Variants in CLCN5 observed in about 807,000 individuals in gnomAD.
The protein encoded by CLCN5 is H(+)/Cl(-) exchange transporter 5.
In CLCN5, 17 loss-of-function variants were observed where a neutral mutation model predicts 54.0. The ratio of observed to expected loss-of-function variants is 0.31; its 90% CI spans 0.22 to 0.47. CLCN5 has a LOEUF of 0.47. Ranked by LOEUF, CLCN5 falls within the 20% of genes least tolerant of loss-of-function variation. The pLI is 1.00. For missense variants in CLCN5, 448 were observed against 646.7 expected, an observed-to-expected ratio of 0.69 and a Z score of 3.33; for synonymous variants, 222 against 233.0, an observed-to-expected ratio of 0.95 and a Z score of 0.43.
chrX:50,049,128 T>C (rs1932492215), intron 4 of CLCN5, among the ~76,000 whole-genome samples: 2 of 111,786 alleles, frequency 1.8e-5, no homozygotes, highest in Admixed American at 9.5e-5. Flanking sequence ...TTCTGGTATG[T>C]AGTCATATGC....
Position 50,096,244 on chromosome X carries a change from T to G in CLCN5, c.*4025T>G, listed in dbSNP as rs1934258483. 1 of 111,503 alleles carries G rather than the reference T, an allele frequency of 9.0e-6. No homozygotes were observed. Among genetic ancestry groups the G allele is most frequent in the Non-Finnish European group, 1.9e-5 (1 of 53,108 alleles). The allele number at this position is 111,503 out of a possible 1,213,427, so 9.2% of individuals were successfully genotyped here. A position where few individuals can be genotyped will look rare whatever the true frequency, so the allele number is the denominator to read the frequency against. ...AGTAAGTGGGAGGTAGAATATTGAG[T>G]CCTTTTTTAAAAAAAAGAATTGATG... On this transcript the variant is annotated 3_prime_UTR_variant, in exon 15 of 15. Transcript: ENST00000376091.
intron 4 of CLCN5, among the ~76,000 whole-genome samples, chrX:50,057,215 G>A (rs1398451860): frequency 9.2e-6 from 1 of 109,064 alleles, no homozygotes; most frequent in Non-Finnish European, 1.9e-5. Context: ...GGTGAGGTGG[G>A]GGAGGAGAGT....
chrX:50,082,375 T>G (rs1933734599), intron 9 of CLCN5, among the ~76,000 whole-genome samples: 1 of 109,320 alleles, frequency 9.1e-6, no homozygotes, highest in African/African-American at 3.3e-5. Context: ...TGCAGTGGCA[T>G]GATCACGGCT....
chrX:49,952,818 C>T lies in CLCN5; in HGVS notation c.16+27504C>T, dbSNP rs1158504832. Among the ~76,000 whole-genome samples the T allele has an allele frequency of 5.4e-5, 6 of 111,336 alleles. No homozygotes were observed. The Admixed American group carries it at 5.7e-4, about 11-fold the overall frequency. ...AATAAGAAACAACAAATTTTAACAT[C>T]CCAGATTTAAAAAGAGAGAGAACCA... On this transcript the variant is annotated intron_variant, in intron 3 of 14. Coordinates refer to ENST00000376091, the MANE Select transcript of CLCN5 (RefSeq NM_001127898.4).
intron 11 of CLCN5, chrX:50,088,483 G>C: frequency 6.9e-6 from 3 of 436,151 alleles, no homozygotes; most frequent in Non-Finnish European, 1.2e-5. Flanking sequence ...CCCCGAATCA[G>C]GGTAAGCTTC....
rs781966355 is a variant in CLCN5, at chrX:50,090,653, T to TA, written c.2144-17_2144-16insA. ...GCACGTCCATCTTCAATTTGTTTTT[T>TA]CCTTCTGTTTGAATAGAAAATGCTC... On this transcript the variant is annotated splice_polypyrimidine_tract_variant and intron_variant, in intron 13 of 14. Coordinates refer to ENST00000376091, the MANE Select transcript of CLCN5 (RefSeq NM_001127898.4). 4.7e-5 allele frequency: 56 copies of TA among 1,196,011 alleles called. No individual in the cohort carries two copies. The Admixed American group carries it at 1.3e-3, about 27-fold the overall frequency.
chrX:50,027,021 T>TTTC (rs1931435346), intron 3 of CLCN5, among the ~76,000 whole-genome samples: 3 of 96,846 alleles, frequency 3.1e-5, no homozygotes. Context: ...TTCTTTCTTT[T>TTTC]TTTTTTTTTT....
At chrX:50,001,287 A>G (rs1557180276) in intron 3 of CLCN5, among the ~76,000 whole-genome samples, 1 of 111,078 alleles carries the variant, frequency 9.0e-6, no homozygotes, top group East Asian at 2.8e-4. Context: ...ACCAATATCT[A>G]GATGTGCTGC....
At chrX:50,029,175 A>C (rs1557185458) in intron 3 of CLCN5, among the ~76,000 whole-genome samples, 2 of 111,337 alleles carry the variant, frequency 1.8e-5, no homozygotes, top group Non-Finnish European at 3.8e-5. Context: ...TTTTTTATTT[A>C]AGTTTTAGGG....
intron 3 of CLCN5, among the ~76,000 whole-genome samples, chrX:50,033,242 A>G (rs1461012157): frequency 2.7e-5 from 3 of 111,351 alleles, no homozygotes; most frequent in African/African-American, 9.8e-5. Context: ...CTGTTTGCAG[A>G]TGACATGATT....
At chrX:50,066,686 A>T (rs1476711090) in intron 4 of CLCN5, among the ~76,000 whole-genome samples, 1 of 111,882 alleles carries the variant, frequency 8.9e-6, no homozygotes, top group African/African-American at 3.2e-5. Flanking sequence ...AAACCATGGA[A>T]ACATCATAGT....
chrX:49,966,601 T>A (rs868972211), intron 3 of CLCN5, among the ~76,000 whole-genome samples: 25 of 15,964 alleles, frequency 1.6e-3, no homozygotes, highest in Admixed American at 2.2e-3. Context: ...TTTTTTTTTT[T>A]TTTTTTTTTT....
At chrX:50,057,806 A>G (rs1932788338) in intron 4 of CLCN5, among the ~76,000 whole-genome samples, 2 of 109,664 alleles carry the variant, frequency 1.8e-5, no homozygotes, top group East Asian at 5.9e-4. Flanking sequence ...TGCTAGATAG[A>G]AAGTTCCTAC....
chrX:49,974,354 T>C (rs1557176685), intron 3 of CLCN5, among the ~76,000 whole-genome samples: 1 of 111,024 alleles, frequency 9.0e-6, no homozygotes, highest in East Asian at 2.8e-4. Flanking sequence ...TCACCTTCCA[T>C]GTTATTCCTC....
At chrX:50,052,089 C>G (rs1291282949) in intron 4 of CLCN5, among the ~76,000 whole-genome samples, 1 of 111,885 alleles carries the variant, frequency 8.9e-6, no homozygotes, top group Admixed American at 9.5e-5. Flanking sequence ...GAGAAGACAT[C>G]CTTGCCTTGT....
At chrX:49,989,473 C>T (rs1929151983) in intron 3 of CLCN5, among the ~76,000 whole-genome samples, 1 of 110,707 alleles carries the variant, frequency 9.0e-6, no homozygotes, top group South Asian at 3.7e-4. Flanking sequence ...ATAAATGAAT[C>T]TTCTATCCAA....
At chrX:50,036,787 T>G (rs1361126586) in intron 3 of CLCN5, among the ~76,000 whole-genome samples, 1 of 112,070 alleles carries the variant, frequency 8.9e-6, no homozygotes, top group African/African-American at 3.2e-5. Flanking sequence ...TTTGCAAATT[T>G]TCTTGCTTTT....
intron 3 of CLCN5, among the ~76,000 whole-genome samples, chrX:49,997,734 C>A (rs1929595766): frequency 9.2e-6 from 1 of 108,180 alleles, no homozygotes; most frequent in Admixed American, 9.9e-5. Context: ...GTTACCCAGA[C>A]TGGGCTCAAA....
chrX:50,061,788 A>C (rs1305545456), intron 4 of CLCN5, among the ~76,000 whole-genome samples: 1 of 33,744 alleles, frequency 3.0e-5, no homozygotes, highest in Non-Finnish European at 5.0e-5. Context: ...AGGGAAGCCC[A>C]TCAGACTAAC....
Sources: allele counts gnomAD v4.1 joint callset (sites outside exome capture counted in the v4.1 genomes callset), GRCh38; gene constraint gnomAD v4.1.1; transcripts MANE v1.5; gene names NCBI Gene and HGNC (gene_info 2026-07-23, HGNC 2026-07-21).